Variants in SEC16A observed in about 807,000 individuals in gnomAD.
The protein encoded by SEC16A is SEC16 homolog A, endoplasmic reticulum export factor.
A neutral mutation model predicts 221.9 loss-of-function variants in SEC16A; 110 were observed. That is an observed-to-expected ratio of 0.50 (90% CI 0.42 to 0.58). SEC16A has a LOEUF of 0.58. SEC16A is among the 20% of genes least tolerant of loss of function. The pLI is 0.00. For synonymous variants in SEC16A, 1,393 were observed against 1,257.7 expected (o/e 1.11, Z -2.28); for missense variants, 3,165 against 3,097.8 (o/e 1.02, Z -0.52).
intron 3 of SEC16A, 51 bp from the exon 4 acceptor site, chr9:136,472,162 C>T (rs778565635): frequency 3.8e-5 from 61 of 1,603,336 alleles, no homozygotes; most frequent in Admixed American, 1.8e-4. Context: ...AGAGCAAGCT[C>T]GTCCAACAGC....
At chr9:136,452,756 A>G (rs1301837183) in intron 22 of SEC16A, among the ~76,000 whole-genome samples, 6 of 138,702 alleles carry the variant, frequency 4.3e-5, no homozygotes, top group Non-Finnish European at 7.7e-5. Context: ...ACAGAGCGAA[A>G]CTATGTCTTA....
At chr9:136,473,282 T>A (rs1841138619) in intron 3 of SEC16A, among the ~76,000 whole-genome samples, 1 of 152,220 alleles carries the variant, frequency 6.6e-6, no homozygotes, top group African/African-American at 2.4e-5. Flanking sequence ...TATCACACAA[T>A]CCTTCTACCT....
chr9:136,449,802 C>G (rs1254947165), intron 23 of SEC16A, among the ~76,000 whole-genome samples: 1 of 152,182 alleles, frequency 6.6e-6, no homozygotes, highest in African/African-American at 2.4e-5. Context: ...TATCTCAGAG[C>G]TCACACAAAT....
chr9:136,459,928 C>T lies in SEC16A; in HGVS notation c.5074-54G>A, dbSNP rs764892534. 1 of 1,555,930 alleles carries T rather than the reference C, an allele frequency of 6.4e-7. No individual in the cohort carries two copies. The highest frequency in any genetic ancestry group is 1.4e-5 in the African/African-American group (1 of 73,674). On this transcript the variant is annotated intron_variant, in intron 14 of 31. Transcript: ENST00000684901. This position sits in a 1 kb window ranked among gnomAD's most constrained non-coding sequence, Gnocchi z 6.1. The stretch of plus-strand genomic sequence containing the variant: ...TCATCCCCGGAAGCCAGCGCCATTT[C>T]AATTCCACACAGCTGGGCTCACCAG...
intron 3 of SEC16A, among the ~76,000 whole-genome samples, chr9:136,473,320 T>A (rs1841145806): frequency 6.6e-6 from 1 of 152,228 alleles, no homozygotes; most frequent in Non-Finnish European, 1.5e-5. Context: ...GTGAACCCAA[T>A]CGGTGTATGT....
Position 136,477,434 on chromosome 9 carries a change from GCCTGTCTACTAAAAGCAA to G in SEC16A, c.164_181del (p.Phe55_Ala61delinsSer). On this transcript the variant is annotated inframe_deletion, in exon 3 of 32. Transcript: ENST00000684901. Reference sequence around the variant, plus strand: ...ACTGCCCAGTGGTGTACTTTGGAGCGCCTGTCTACTAAAAGCAAATGGATCCGTGACCGGCTGCAACGG... The same window carrying G: ...ACTGCCCAGTGGTGTACTTTGGAGCGATGGATCCGTGACCGGCTGCAACGG... 6.2e-7 allele frequency: 1 copy of G among 1,613,984 alleles called. No homozygotes were observed. Among genetic ancestry groups the G allele is most frequent in the Non-Finnish European group, 8.5e-7 (1 of 1,179,892 alleles).
upstream of SEC16A, among the ~76,000 whole-genome samples, chr9:136,483,324 G>C (rs1401016487): frequency 2.1e-5 from 2 of 94,258 alleles, no homozygotes; most frequent in Non-Finnish European, 4.1e-5. Context: ...TGTAGTTCCC[G>C]CTCCCCTTGG....
chr9:136,446,163 T>TGGCGCAATCTCAGCTC (rs1836951663), intron 28 of SEC16A, among the ~76,000 whole-genome samples: 1 of 148,116 alleles, frequency 6.8e-6, no homozygotes, highest in Non-Finnish European at 1.5e-5. Context: ...TGGAGTGCAA[T>TGGCGCAATCTCAGCTC]GGCGCAATCT....
chr9:136,466,278 A>G lies in SEC16A; in HGVS notation c.4114T>C (p.Ser1372Pro), dbSNP rs770640981. 1.9e-5 allele frequency: 30 copies of G among 1,580,278 alleles called. 1 individual carries two copies. Among genetic ancestry groups the G allele is most frequent in the Admixed American group, 5.5e-5 (3 of 54,232 alleles). ...CCGCCGCGTACCTGGTGCGAGTGGG[A>G]GCTGAGGCTGCTGCGGCGGCTGGCC... ...SLASRRSSLS[S>P]HSHQSQIYRS... Residue 1372 changes from serine to proline, a missense_variant, in exon 7 of 32, where the codon TCC (serine) becomes CCC (proline). By Grantham distance (74) the Ser-to-Pro change is moderately conservative. Coordinates refer to ENST00000684901, the MANE Select transcript of SEC16A (RefSeq NM_014866.2). The surrounding 1 kb of genome is among the most constrained non-coding windows in gnomAD (Gnocchi z 5.5).
chr9:136,461,085 T>G (rs1285083364), intron 13 of SEC16A, 92 bp downstream of exon 13: 5 of 958,108 alleles, frequency 5.2e-6, no homozygotes, highest in Non-Finnish European at 8.2e-6. Context: ...TCAAGTGAGA[T>G]CCGCCTGCCG....
upstream of SEC16A, chr9:136,483,203 C>CCCCGCCTCATCCCTCTGT (rs1460551907): frequency 1.3e-3 from 230 of 182,590 alleles, 1 homozygote; most frequent in Admixed American, 2.6e-3. Context: ...CGTCCGTCCT[C>CCCCGCCTCATCCCTCTGT]CCCGCCTCAT....
intron 23 of SEC16A, chr9:136,448,586 A>G (rs1461186319): frequency 4.6e-6 from 3 of 657,058 alleles, no homozygotes; most frequent in Admixed American, 2.2e-5. Context: ...CCATAGAGAC[A>G]CCAGGATGGA....
rs199501843 is a variant in SEC16A at position 136,465,996 on chromosome 9, G to A, written c.4269C>T (p.Tyr1423=). The A allele has an allele frequency of 2.0e-3, 3,227 of 1,612,396 alleles. 6 individuals carry two copies. The highest frequency in any genetic ancestry group is 2.5e-3 in the Non-Finnish European group (2,997 of 1,179,796). Residue 1423 remains tyrosine (Y), a synonymous_variant, in exon 8 of 32, where the codon TAC becomes TAT. Coordinates refer to ENST00000684901, the MANE Select transcript of SEC16A (RefSeq NM_014866.2). ...TGGCAGGCCAGACGGTGTCGGCAGG[G>A]TAGCCATACTCTGGGAAGCCGGGGC... The part of the protein sequence containing the change: ...SSGPGFPEYG[Y]PADTVWPAME...
chr9:136,483,829 G>A, upstream of SEC16A: 1 of 983,052 alleles, frequency 1.0e-6, no homozygotes, highest in African/African-American at 1.7e-5. Flanking sequence ...AGCGGCCGGA[G>A]CTGCGGGACG....
chr9:136,460,206 T>A, intron 13 of SEC16A, 83 bp from the exon 14 acceptor site: 1 of 1,160,098 alleles, frequency 8.6e-7, no homozygotes, highest in Non-Finnish European at 1.3e-6. Flanking sequence ...CTCACGCCTG[T>A]AATCCCAGCA....
Position 136,475,149 on chromosome 9 carries a change from G to C in SEC16A, c.2467C>G (p.Leu823Val). 6.2e-7 allele frequency: 1 copy of C among 1,613,920 alleles called. No homozygotes were observed. The highest frequency in any genetic ancestry group is 8.5e-7 in the Non-Finnish European group (1 of 1,179,878). The change falls in exon 3 of 32, where the codon CTG becomes GTG. Residue 823 changes from leucine to valine, a missense_variant. Coordinates refer to ENST00000684901, the MANE Select transcript of SEC16A (RefSeq NM_014866.2). The surrounding 1 kb of genome is among the most constrained non-coding windows in gnomAD (Gnocchi z 5.0). Reference sequence around the variant, plus strand: ...GCAATCAAGACTGGAGGATTCTGCAGAGACTCAGTGGGCGGTGAGGATAAT... The same window carrying C: ...GCAATCAAGACTGGAGGATTCTGCACAGACTCAGTGGGCGGTGAGGATAAT... ...SLLSSPPTES[L>V]QNPPVLIAQP...
At chr9:136,446,383 A>G (rs1241829990) in intron 28 of SEC16A, among the ~76,000 whole-genome samples, 1 of 151,482 alleles carries the variant, frequency 6.6e-6, no homozygotes, top group African/African-American at 2.4e-5. Flanking sequence ...AGCTGGGATT[A>G]CAGGCATCAT....
chr9:136,484,712 TC>T, upstream of SEC16A: 1 of 1,366,678 alleles, frequency 7.3e-7, no homozygotes. Flanking sequence ...AGAGCTTCAG[TC>T]CGGCTGACGT....
At chr9:136,483,486 T>TCCGTCTGCCGCCCCCCG (rs1842679192), upstream of SEC16A, 2 of 795,278 alleles carry the variant, frequency 2.5e-6, no homozygotes, top group Non-Finnish European at 2.9e-6. Flanking sequence ...CCCGCCCCCC[T>TCCGTCTGCCGCCCCCCG]CCGGCGTCCG....
Sources: allele counts gnomAD v4.1 joint callset (sites outside exome capture counted in the v4.1 genomes callset), GRCh38; gene constraint gnomAD v4.1.1; non-coding constraint Gnocchi (gnomAD v3.1); transcripts MANE v1.5; gene names NCBI Gene and HGNC (gene_info 2026-07-23, HGNC 2026-07-21).